The following SPATA9 variants were observed in gnomAD, a reference collection of about 807,000 sequenced individuals.
SPATA9 encodes spermatogenesis-associated protein 9.
Under a neutral mutation model 25.5 loss-of-function variants are expected in SPATA9, and 27 were observed. The observed-to-expected ratio is 1.06, with a 90% CI of 0.78 to 1.46. The LOEUF is 1.46. Among genes scored for constraint, SPATA9 ranks in the 40% most tolerant of loss-of-function variants. The pLI, the probability that SPATA9 is intolerant of heterozygous loss-of-function variation, is 0.00. For missense variants in SPATA9, 282 were observed against 297.5 expected (o/e 0.95, Z 0.38); for synonymous variants, 102 against 105.7 (o/e 0.97, Z 0.21).
At chr5:95,654,454 T>C (rs1750599682), downstream of SPATA9, 4 of 878,152 alleles carry the variant, frequency 4.6e-6, no homozygotes, top group Admixed American at 2.4e-5. Flanking sequence ...TATATTTTAA[T>C]GCTTTGAATA....
At chr5:95,723,448 G>A in the SPATA9 span, among the ~76,000 whole-genome samples, 1 of 152,334 alleles carries the variant, frequency 6.6e-6, no homozygotes, top group East Asian at 1.9e-4. Context: ...AATGAGTAAA[G>A]TCAGCTTTGC....
chr5:95,707,613 G>A, the SPATA9 span, among the ~76,000 whole-genome samples: 1,777 of 152,272 alleles, frequency 0.012, 18 homozygotes, highest in Non-Finnish European at 0.018. Context: ...ATAGACCCGG[G>A]GCTTTGGGCG....
intron 3 of SPATA9, among the ~76,000 whole-genome samples, chr5:95,670,163 T>G (rs1752234978): frequency 6.6e-6 from 1 of 152,022 alleles, no homozygotes; most frequent in Non-Finnish European, 1.5e-5. Context: ...GAGCTGAACA[T>G]CCAATCAGAA....
intron 1 of SPATA9, among the ~76,000 whole-genome samples, chr5:95,696,357 G>C (rs1754021579): frequency 6.6e-6 from 1 of 152,140 alleles, no homozygotes; most frequent in East Asian, 1.9e-4. Context: ...GTAGTAAGCT[G>C]AGTGGTACTG....
At chr5:95,705,143 T>C in the SPATA9 span, among the ~76,000 whole-genome samples, 1 of 152,000 alleles carries the variant, frequency 6.6e-6, no homozygotes. Flanking sequence ...ATTTTTCGTA[T>C]TTTTTGTAGA....
chr5:95,679,863 TCAATGGTAAA>T (rs1297641483), intron 2 of SPATA9, among the ~76,000 whole-genome samples: 2 of 152,358 alleles, frequency 1.3e-5, no homozygotes, highest in African/African-American at 4.8e-5. Flanking sequence ...CTCATCCGAT[TCAATGGTAAA>T]CAAGAATGCA....
chr5:95,731,619 G>T, the SPATA9 span: 3 of 1,605,698 alleles, frequency 1.9e-6, no homozygotes, highest in Admixed American at 1.7e-5. Context: ...CCGCCCGGGG[G>T]CCCCGCGAAG....
chr5:95,665,974 T>G (rs372654561), intron 3 of SPATA9, among the ~76,000 whole-genome samples: 34 of 150,288 alleles, frequency 2.3e-4, no homozygotes, highest in African/African-American at 8.1e-4. Context: ...CATCTCAAAA[T>G]AAATAAATAA....
At chr5:95,726,659 C>T in the SPATA9 span, among the ~76,000 whole-genome samples, 1 of 152,190 alleles carries the variant, frequency 6.6e-6, no homozygotes, top group Non-Finnish European at 1.5e-5. Context: ...CAAAGAGTAT[C>T]AGAAACATCA....
chr5:95,657,112 A>C (rs1283714595), downstream of SPATA9: 1 of 152,146 alleles, frequency 6.6e-6, no homozygotes, highest in Non-Finnish European at 1.5e-5. Context: ...TGCCTATATG[A>C]AATTTTCAAA....
At chr5:95,658,961 T>TA in intron 4 of SPATA9, 48 bp from the exon 5 acceptor site, 1 of 1,537,114 alleles carries the variant, frequency 6.5e-7, no homozygotes. Flanking sequence ...TTTAAGCTAC[T>TA]AACCACAGAT....
At chr5:95,652,496 C>A, downstream of SPATA9, 1 of 865,550 alleles carries the variant, frequency 1.2e-6, no homozygotes, top group Non-Finnish European at 1.6e-6. Flanking sequence ...CTTGATTTTC[C>A]ATTCTGCAAA....
chr5:95,669,500 C>A (rs1182908199), intron 3 of SPATA9, among the ~76,000 whole-genome samples: 3 of 152,202 alleles, frequency 2.0e-5, no homozygotes, highest in Non-Finnish European at 4.4e-5. Context: ...CACCTTACAG[C>A]CCAGGCATTG....
intron 3 of SPATA9, among the ~76,000 whole-genome samples, chr5:95,667,031 T>C (rs903806982): frequency 2.0e-5 from 3 of 152,228 alleles, no homozygotes; most frequent in East Asian, 1.9e-4. Context: ...TTGCATTCTC[T>C]CATTTTATCC....
At chr5:95,656,101 T>C (rs1750740994), downstream of SPATA9, 2 of 1,613,648 alleles carry the variant, frequency 1.2e-6, no homozygotes, top group African/African-American at 1.3e-5. Flanking sequence ...AAAATTACTT[T>C]GGCAACAGGA....
At chr5:95,719,985 C>T in the SPATA9 span, among the ~76,000 whole-genome samples, 10 of 152,124 alleles carry the variant, frequency 6.6e-5, no homozygotes, top group African/African-American at 2.2e-4. Context: ...TAATAATGGG[C>T]TTCCCATGTA....
downstream of SPATA9, chr5:95,655,916 T>G (rs934854147): frequency 9.2e-6 from 7 of 758,238 alleles, no homozygotes; most frequent in Non-Finnish European, 1.5e-5. Flanking sequence ...TGCTGAATAA[T>G]TTGTACATAG....
At chr5:95,702,516 T>C (rs1050591492), upstream of SPATA9, among the ~76,000 whole-genome samples, 3 of 152,126 alleles carry the variant, frequency 2.0e-5, no homozygotes, top group Non-Finnish European at 4.4e-5. Context: ...TTTGTCTAAC[T>C]CAAAAATTTG....
upstream of SPATA9, among the ~76,000 whole-genome samples, chr5:95,700,295 T>A (rs1026798407): frequency 7.2e-5 from 11 of 151,950 alleles, no homozygotes; most frequent in Admixed American, 2.6e-4. Context: ...TAACTACATT[T>A]AAAAAAAATT....
Sources: allele counts gnomAD v4.1 joint callset (sites outside exome capture counted in the v4.1 genomes callset), GRCh38; gene constraint gnomAD v4.1.1; transcripts MANE v1.5; gene names NCBI Gene and HGNC (gene_info 2026-07-23, HGNC 2026-07-21).